JMJD1C: variants seen among roughly 807,000 people sequenced by gnomAD.
JMJD1C encodes the protein jumonji domain-containing protein 1C.
A neutral mutation model predicts 245.3 loss-of-function variants in JMJD1C; 31 were observed. The ratio of observed to expected loss-of-function variants is 0.13; its 90% CI spans 0.09 to 0.17. JMJD1C has a LOEUF of 0.17. Among genes scored for constraint, JMJD1C ranks in the 10% least tolerant of loss-of-function variants. The pLI, the probability that JMJD1C is intolerant of heterozygous loss-of-function variation, is 1.00. For synonymous variants in JMJD1C, 1,057 were observed against 1,017.4 expected, an observed-to-expected ratio of 1.04 and a Z score of -0.74; for missense variants, 2,691 against 3,000.2, an observed-to-expected ratio of 0.90 and a Z score of 2.41.
At chr10:63,350,285 G>T (rs982902002) in intron 2 of JMJD1C, among the ~76,000 whole-genome samples, 2 of 151,760 alleles carry the variant, frequency 1.3e-5, no homozygotes, top group African/African-American at 4.8e-5. Flanking sequence ...CATACTAAAG[G>T]GTTTATGTTT....
intron 2 of JMJD1C, among the ~76,000 whole-genome samples, chr10:63,354,991 C>G (rs1184394797): frequency 6.6e-6 from 1 of 151,868 alleles, no homozygotes; most frequent in East Asian, 1.9e-4. Context: ...CTACTGCACT[C>G]CAGCCTGGGT....
At chr10:63,181,800 A>G (rs977870308) in intron 22 of JMJD1C, among the ~76,000 whole-genome samples, 30 of 152,238 alleles carry the variant, frequency 2.0e-4, no homozygotes, top group African/African-American at 5.5e-4. Flanking sequence ...AAAGATCTGA[A>G]CAAACTACAA....
intron 1 of JMJD1C, among the ~76,000 whole-genome samples, chr10:63,452,360 T>C (rs1172033871): frequency 1.3e-5 from 2 of 152,120 alleles, no homozygotes; most frequent in Admixed American, 1.3e-4. Flanking sequence ...CACTAATCAT[T>C]GGGAAAATTA....
At chr10:63,363,468 G>A (rs1945578028) in intron 2 of JMJD1C, among the ~76,000 whole-genome samples, 2 of 151,660 alleles carry the variant, frequency 1.3e-5, no homozygotes, top group Non-Finnish European at 2.9e-5. Context: ...ATGTTGCCCA[G>A]GCTGGCTGAG....
At chr10:63,308,403 C>A (rs557914215) in intron 2 of JMJD1C, among the ~76,000 whole-genome samples, 120 of 152,056 alleles carry the variant, frequency 7.9e-4, no homozygotes, top group Non-Finnish European at 1.5e-3. Flanking sequence ...AATAGACAAA[C>A]CCTATCCATC....
intron 2 of JMJD1C, among the ~76,000 whole-genome samples, chr10:63,370,834 C>T (rs952563165): frequency 6.6e-6 from 1 of 152,122 alleles, no homozygotes; most frequent in African/African-American, 2.4e-5. Context: ...AAGAAGACTA[C>T]CTCCAAAATA....
chr10:63,298,707 T>C (rs1859721221), intron 2 of JMJD1C, among the ~76,000 whole-genome samples: 1 of 152,106 alleles, frequency 6.6e-6, no homozygotes, highest in Non-Finnish European at 1.5e-5. Flanking sequence ...TCTCCCGACA[T>C]CAGTAAAAGA....
At chr10:63,411,043 C>T (rs1195407423) in intron 1 of JMJD1C, among the ~76,000 whole-genome samples, 1 of 152,116 alleles carries the variant, frequency 6.6e-6, no homozygotes, top group Admixed American at 6.5e-5. Flanking sequence ...TTTCCATCCA[C>T]CAAATTTGTT....
At chr10:63,304,332 T>C (rs993755237) in intron 2 of JMJD1C, among the ~76,000 whole-genome samples, 3 of 152,166 alleles carry the variant, frequency 2.0e-5, no homozygotes, top group Non-Finnish European at 2.9e-5. Flanking sequence ...AGGCTGTCTC[T>C]ACTTTTCAGA....
At chr10:63,188,878 G>T (rs1227938426) in intron 18 of JMJD1C, among the ~76,000 whole-genome samples, 3 of 152,108 alleles carry the variant, frequency 2.0e-5, no homozygotes, top group Non-Finnish European at 4.4e-5. Context: ...GAGGAGAAAG[G>T]AACTGCATTT....
intron 1 of JMJD1C, among the ~76,000 whole-genome samples, chr10:63,384,409 A>G (rs1487888932): frequency 6.6e-6 from 1 of 152,226 alleles, no homozygotes; most frequent in Non-Finnish European, 1.5e-5. Context: ...TTTCTTAAAT[A>G]ATAAGACTTG....
chr10:63,228,012 T>TCAAAAAG (rs1221192758), intron 3 of JMJD1C, among the ~76,000 whole-genome samples: 3 of 152,194 alleles, frequency 2.0e-5, no homozygotes, highest in African/African-American at 7.2e-5. Context: ...ACAGGGGTGC[T>TCAAAAAG]CAAAAAGCAA....
intron 2 of JMJD1C, among the ~76,000 whole-genome samples, chr10:63,300,285 A>AG (rs1859924695): frequency 6.6e-6 from 1 of 152,152 alleles, no homozygotes; most frequent in Non-Finnish European, 1.5e-5. Flanking sequence ...ATCCTCCCAT[A>AG]GTAAGTCAGC....
Position 63,423,758 on chromosome 10 carries a change from C to G in JMJD1C, c.168+41737G>C, listed in dbSNP as rs145093338. On this transcript the variant is annotated intron_variant, in intron 1 of 25. Transcript: ENST00000399262. ...TGGCTAAACCATTTTACGTTCCCATCATCAATGTATGAAGGTTCCAATTTC... is the reference window on the plus strand; with the variant it reads ...TGGCTAAACCATTTTACGTTCCCATGATCAATGTATGAAGGTTCCAATTTC... Among the ~76,000 whole-genome samples the G allele has an allele frequency of 3.2e-4, 48 of 152,310 alleles. 4 individuals carry two copies. In the East Asian group the frequency reaches 8.7e-3, roughly 28 times the overall value.
At chr10:63,222,049 C>G (rs966746058) in intron 3 of JMJD1C, 7 of 441,570 alleles carry the variant, frequency 1.6e-5, no homozygotes, top group South Asian at 1.4e-4. Context: ...CAAGGAAAAC[C>G]ATTACTATTT....
At chr10:63,321,756 C>T (rs1037757931) in intron 2 of JMJD1C, among the ~76,000 whole-genome samples, 2 of 152,298 alleles carry the variant, frequency 1.3e-5, no homozygotes, top group African/African-American at 2.4e-5. Flanking sequence ...CAAGTGTACG[C>T]GAGTTAGGCA....
At chr10:63,308,559 T>C (rs1341401669) in intron 2 of JMJD1C, among the ~76,000 whole-genome samples, 2 of 150,718 alleles carry the variant, frequency 1.3e-5, no homozygotes, top group Admixed American at 6.6e-5. Context: ...AGATTTGTAT[T>C]ACCAGAAAAA....
chr10:63,406,085 G>C (rs1455355282), intron 1 of JMJD1C, among the ~76,000 whole-genome samples: 1 of 152,212 alleles, frequency 6.6e-6, no homozygotes, highest in Non-Finnish European at 1.5e-5. Context: ...ACATGGGAAA[G>C]ATGGTGTAAT....
At position 63,198,873 on chromosome 10, in the gene JMJD1C, ACACT is replaced by A. The variant is rs151172306; in HGVS notation, c.5277-150_5277-147del. On this transcript the variant is annotated intron_variant, in intron 11 of 25. Transcript: ENST00000399262. The stretch of plus-strand genomic sequence containing the variant: ...ACAGGAAAACAGGTTAATTCTTCAC[ACACT>A]AATTATTGAATTAATTTAAATAACT... 1,675 of 505,980 alleles carry A rather than the reference ACACT, an allele frequency of 3.3e-3. 25 individuals carry two copies. The highest frequency in any genetic ancestry group is 0.029 in the African/African-American group (1,481 of 51,058). The allele number at this position is 505,980 out of a possible 1,614,324, so 31.3% of individuals were successfully genotyped here. A position where few individuals can be genotyped will look rare whatever the true frequency, so the allele number is the denominator to read the frequency against.
Sources: gnomAD v4.1 joint callset for allele counts (sites outside exome capture counted in the v4.1 genomes callset) on GRCh38, gnomAD v4.1.1 for gene constraint, MANE v1.5 for transcripts, NCBI Gene and HGNC (gene_info 2026-07-23, HGNC 2026-07-21) for gene names.